The following ROBO1 variants were observed in gnomAD, a reference collection of about 807,000 sequenced individuals.
The protein encoded by ROBO1 is roundabout homolog 1.
Under a neutral mutation model 195.9 loss-of-function variants are expected in ROBO1, and 149 were observed. The ratio of observed to expected loss-of-function variants is 0.76; its 90% confidence interval spans 0.67 to 0.87. The LOEUF (loss-of-function observed/expected upper bound fraction) is 0.87. Among genes scored for constraint, ROBO1 ranks in the 40% least tolerant of loss-of-function variants. ROBO1 has a pLI of 0.00. For synonymous variants in ROBO1, 816 were observed against 733.2 expected (o/e 1.11, Z -1.82); for missense variants, 1,933 against 2,068.3 (o/e 0.93, Z 1.27).
rs576526560 is a variant in ROBO1, at chr3:78,962,708, C to T, written c.173-23781G>A. On this transcript the variant is annotated intron_variant, in intron 3 of 30. Transcript: ENST00000464233. ...GGCGTGGTGGCGGCGCCTGTAGTCC[C>T]AGCTACTCGGGAGGTTGAGGCAGGA... is the stretch of plus-strand genomic sequence containing the variant. Among the ~76,000 whole-genome samples, 5 of 150,834 alleles carry T rather than the reference C, an allele frequency of 3.3e-5. No homozygotes were observed. The South Asian group carries it at 8.4e-4, about 25-fold the overall frequency.
chr3:79,068,794 A>C (rs557282211), intron 3 of ROBO1, among the ~76,000 whole-genome samples: 1 of 151,986 alleles, frequency 6.6e-6, no homozygotes, highest in East Asian at 1.9e-4. Flanking sequence ...TTTCTCAATT[A>C]TTATTCTGAA....
At chr3:79,641,182 G>C (rs1204220272) in intron 1 of ROBO1, among the ~76,000 whole-genome samples, 1 of 152,034 alleles carries the variant, frequency 6.6e-6, no homozygotes, top group Non-Finnish European at 1.5e-5. Flanking sequence ...AGAGTAATGA[G>C]GTAGAGTATC....
intron 4 of ROBO1, among the ~76,000 whole-genome samples, chr3:78,857,270 T>C (rs764267981): frequency 2.0e-5 from 3 of 152,236 alleles, no homozygotes; most frequent in Non-Finnish European, 4.4e-5. Flanking sequence ...TTCATTTTTA[T>C]CTATTAGACA....
intron 4 of ROBO1, among the ~76,000 whole-genome samples, chr3:78,836,360 A>C (rs544745501): frequency 4.6e-5 from 7 of 151,794 alleles, no homozygotes; most frequent in Non-Finnish European, 8.8e-5. Flanking sequence ...AAAATACAAA[A>C]CATTAGCGGG....
chr3:79,116,318 T>C, intron 3 of ROBO1, among the ~76,000 whole-genome samples: 1 of 151,506 alleles, frequency 6.6e-6, no homozygotes. Flanking sequence ...TTCCTTCCTT[T>C]TCTTTTTCTT....
intron 3 of ROBO1, among the ~76,000 whole-genome samples, chr3:79,079,225 A>G (rs1268821668): frequency 6.6e-6 from 1 of 151,848 alleles, no homozygotes; most frequent in Non-Finnish European, 1.5e-5. Context: ...TTTTAAAAAA[A>G]TCACGTTTTC....
chr3:78,617,232 G>C (rs1379746762), intron 27 of ROBO1, among the ~76,000 whole-genome samples: 6 of 152,062 alleles, frequency 3.9e-5, no homozygotes, highest in African/African-American at 1.4e-4. Context: ...CAACAAATTT[G>C]ATTTTGGTGA....
chr3:78,925,469 G>A (rs75775125), intron 4 of ROBO1, among the ~76,000 whole-genome samples: 2,993 of 152,238 alleles, frequency 0.02, 114 homozygotes, highest in African/African-American at 0.067. Flanking sequence ...GCATAAGGCC[G>A]AGCAGGTATA....
intron 2 of ROBO1, among the ~76,000 whole-genome samples, chr3:79,285,876 T>A (rs2031855086): frequency 6.6e-6 from 1 of 152,140 alleles, no homozygotes; most frequent in Non-Finnish European, 1.5e-5. Context: ...CATTTTAAAA[T>A]ACAGCTGCAT....
chr3:78,639,845 G>A lies in ROBO1; in HGVS notation c.2936C>T (p.Thr979Met), dbSNP rs759390398. The A allele has an allele frequency of 3.1e-6, 5 of 1,612,734 alleles. No individual in the cohort carries two copies. The highest frequency in any genetic ancestry group is 1.1e-5 in the South Asian group (1 of 90,936). The change falls in exon 22 of 31, where the codon ACG (threonine) becomes ATG (methionine). Residue 979 changes from threonine to methionine, a missense_variant. Transcript: ENST00000464233. ...GTGGTTGTTGCCAGTATTAGGCCAC[G>A]TGTCTGCCAGCCATGGCTGCGCGGC... ...EPAAQPWLAD[T>M]WPNTGNNHND...
chr3:79,241,757 T>C (rs2082522872), intron 2 of ROBO1, among the ~76,000 whole-genome samples: 1 of 150,666 alleles, frequency 6.6e-6, no homozygotes, highest in African/African-American at 2.4e-5. Flanking sequence ...ATAAACAATA[T>C]TTATATATGT....
At chr3:78,938,548 T>C (rs573459705) in intron 4 of ROBO1, 53 bp downstream of exon 4, 2 of 1,479,960 alleles carry the variant, frequency 1.4e-6, no homozygotes, top group South Asian at 1.3e-5. Flanking sequence ...ATCAAACAAA[T>C]GACGCCACTC....
chr3:78,716,955 T>C (rs2081916739), intron 7 of ROBO1, among the ~76,000 whole-genome samples: 1 of 152,138 alleles, frequency 6.6e-6, no homozygotes. Context: ...TTTCTTCCCT[T>C]TCCTGCCTAC....
chr3:79,043,153 A>G (rs1198232539), intron 3 of ROBO1, among the ~76,000 whole-genome samples: 1 of 152,164 alleles, frequency 6.6e-6, no homozygotes. Context: ...GAAACAGTAG[A>G]TGCAATTCAT....
At chr3:79,163,653 G>A (rs1253305059) in intron 2 of ROBO1, among the ~76,000 whole-genome samples, 1 of 152,074 alleles carries the variant, frequency 6.6e-6, no homozygotes, top group Admixed American at 6.6e-5. Flanking sequence ...CAGTGCACAA[G>A]GGTTCCAATT....
At chr3:79,518,683 T>C (rs1941060696) in intron 2 of ROBO1, among the ~76,000 whole-genome samples, 2 of 151,832 alleles carry the variant, frequency 1.3e-5, no homozygotes, top group East Asian at 3.9e-4. Context: ...TTATTATTAT[T>C]ATTATTATTA....
At chr3:79,257,624 A>G (rs1418654672) in intron 2 of ROBO1, among the ~76,000 whole-genome samples, 1 of 152,156 alleles carries the variant, frequency 6.6e-6, no homozygotes, top group Non-Finnish European at 1.5e-5. Context: ...ATTTTATACC[A>G]TAATGATTGT....
At chr3:79,606,192 G>A (rs1247419235) in intron 1 of ROBO1, among the ~76,000 whole-genome samples, 2 of 151,774 alleles carry the variant, frequency 1.3e-5, no homozygotes, top group Admixed American at 6.6e-5. Flanking sequence ...TATTGTGTAA[G>A]TATAGTAAGA....
intron 4 of ROBO1, among the ~76,000 whole-genome samples, chr3:78,807,131 A>G (rs2084569665): frequency 6.6e-6 from 1 of 152,154 alleles, no homozygotes; most frequent in African/African-American, 2.4e-5. Context: ...TCAATAAAGG[A>G]CATTGCATTT....
Sources: gnomAD v4.1 joint callset for allele counts (sites outside exome capture counted in the v4.1 genomes callset) on GRCh38, gnomAD v4.1.1 for gene constraint, MANE v1.5 for transcripts, NCBI Gene and HGNC (gene_info 2026-07-23, HGNC 2026-07-21) for gene names.